THTPA: variants seen among roughly 807,000 people sequenced by gnomAD.
THTPA encodes the protein thiamine-triphosphatase.
Under a neutral mutation model 16.5 loss-of-function variants are expected in THTPA, and 16 were observed. The ratio of observed to expected loss-of-function variants is 0.97; its 90% CI spans 0.66 to 1.47. The LOEUF is 1.47. Among genes scored for constraint, THTPA ranks in the 40% most tolerant of loss-of-function variants. The probability of loss-of-function intolerance (pLI) is 0.00; values close to 1 mark genes in which losing one functional copy is unlikely to be tolerated. For synonymous variants in THTPA, 110 were observed against 115.5 expected, an observed-to-expected ratio of 0.95 and a Z score of 0.30; for missense variants, 281 against 280.9, an observed-to-expected ratio of 1.00 and a Z score of 0.00.
At chr14:23,534,987 G>A in the THTPA span, 1 of 1,536,188 alleles carries the variant, frequency 6.5e-7, no homozygotes, top group South Asian at 1.2e-5. This position sits in a 1 kb window ranked among gnomAD's most constrained non-coding sequence, Gnocchi z 4.5. Context: ...TGAAGAATAA[G>A]TGGTTGCTTA....
At chr14:23,539,226 C>T in the THTPA span, among the ~76,000 whole-genome samples, 1 of 152,154 alleles carries the variant, frequency 6.6e-6, no homozygotes, top group African/African-American at 2.4e-5. Context: ...TGGTATTGCC[C>T]TCTTCCTCTG....
At chr14:23,541,391 G>A in the THTPA span, among the ~76,000 whole-genome samples, 7 of 151,218 alleles carry the variant, frequency 4.6e-5, no homozygotes, top group Non-Finnish European at 5.9e-5. Flanking sequence ...GGGTTCAAGC[G>A]ATTCTCCTGC....
the THTPA span, among the ~76,000 whole-genome samples, chr14:23,519,203 T>C: frequency 6.6e-6 from 1 of 152,140 alleles, no homozygotes; most frequent in Non-Finnish European, 1.5e-5. Flanking sequence ...AAAACACTCA[T>C]AGTTCAAACT....
At chr14:23,556,203 C>T (rs1005295012), upstream of THTPA, 1 of 154,168 alleles carries the variant, frequency 6.5e-6, no homozygotes, top group Non-Finnish European at 1.4e-5. Context: ...AATATGGCCG[C>T]TGGTGCCGGG....
the THTPA span, chr14:23,525,003 G>A: frequency 3.3e-6 from 5 of 1,536,034 alleles, no homozygotes; most frequent in African/African-American, 1.4e-5. This position sits in a 1 kb window ranked among gnomAD's most constrained non-coding sequence, Gnocchi z 5.9. Context: ...GCTTTCTGGC[G>A]GGCATTCTGG....
the THTPA span, chr14:23,535,026 C>A: frequency 6.5e-7 from 1 of 1,536,134 alleles, no homozygotes; most frequent in Non-Finnish European, 8.7e-7. This position sits in a 1 kb window ranked among gnomAD's most constrained non-coding sequence, Gnocchi z 4.5. Flanking sequence ...CTTCTTCTTC[C>A]TCCTCCTGCT....
chr14:23,526,777 C>G, the THTPA span: 5 of 1,527,740 alleles, frequency 3.3e-6, no homozygotes, highest in Admixed American at 1.0e-4. Context: ...CCTCAGTCAT[C>G]TTCAGACCTT....
At chr14:23,550,153 G>A in the THTPA span, among the ~76,000 whole-genome samples, 2 of 152,222 alleles carry the variant, frequency 1.3e-5, 1 homozygote. Flanking sequence ...GTTCTGATGA[G>A]GGAGACAGGC....
the THTPA span, chr14:23,525,057 C>G: frequency 1.3e-6 from 2 of 1,536,154 alleles, no homozygotes; most frequent in South Asian, 1.2e-5. This position sits in a 1 kb window ranked among gnomAD's most constrained non-coding sequence, Gnocchi z 5.9. Context: ...AACAGACTTG[C>G]GAGTCGCTCC....
At position 23,557,040 on chromosome 14, in the gene THTPA, G is replaced by C; in HGVS notation, c.283G>C (p.Val95Leu). ...TACAATTGTGGCCCAACTCTGTAAG[G>C]TGCTGCGGGCTGACGGCCTGGGGGC... ...EPTIVAQLCK[V>L]LRADGLGAGD... The change falls in exon 1 of 2, where the codon GTG (valine) becomes CTG (leucine). Residue 95 changes from valine to leucine, a missense_variant. Val to Leu is a conservative substitution (Grantham distance 32). Transcript: ENST00000288014. 6.2e-7 allele frequency: 1 copy of C among 1,614,260 alleles called. No individual in the cohort carries two copies. The highest frequency in any genetic ancestry group is 2.2e-5 in the East Asian group (1 of 44,894).
the THTPA span, among the ~76,000 whole-genome samples, chr14:23,536,589 G>A: frequency 6.6e-6 from 1 of 152,146 alleles, no homozygotes; most frequent in Non-Finnish European, 1.5e-5. Flanking sequence ...ATATACCATG[G>A]TCCTGGCACT....
At chr14:23,532,530 TCTC>T in the THTPA span, 7 of 1,428,716 alleles carry the variant, frequency 4.9e-6, no homozygotes, top group African/African-American at 7.2e-5. Flanking sequence ...CCCATTCCCT[TCTC>T]CTCTTCCGAT....
the THTPA span, chr14:23,543,614 A>C: frequency 1.3e-5 from 2 of 152,330 alleles, no homozygotes; most frequent in Admixed American, 6.5e-5. Context: ...ACTGCAGTCC[A>C]TGCAGGGGCA....
chr14:23,530,538 A>T, the THTPA span: 175 of 496,700 alleles, frequency 3.5e-4, 1 homozygote, highest in Middle Eastern at 3.3e-3. Flanking sequence ...ATGTAGTAGG[A>T]GGGGCACTGA....
chr14:23,535,455 C>T, the THTPA span: 7 of 1,197,914 alleles, frequency 5.8e-6, no homozygotes, highest in Non-Finnish European at 7.6e-6. The surrounding 1 kb of genome is among the most constrained non-coding windows in gnomAD (Gnocchi z 4.5). Flanking sequence ...ATACTCCTGC[C>T]CCATCCTCTT....
At chr14:23,534,641 C>T in the THTPA span, 99 of 1,536,050 alleles carry the variant, frequency 6.4e-5, no homozygotes, top group Middle Eastern at 1.7e-4. This position sits in a 1 kb window ranked among gnomAD's most constrained non-coding sequence, Gnocchi z 4.5. Flanking sequence ...TGGTTGCCCC[C>T]GCTGTTCCCC....
the THTPA span, among the ~76,000 whole-genome samples, chr14:23,544,759 G>A: frequency 6.6e-6 from 1 of 152,182 alleles, no homozygotes. Flanking sequence ...AGCCATTAGA[G>A]ATGGAGATGA....
chr14:23,544,877 T>C, the THTPA span, among the ~76,000 whole-genome samples: 1 of 152,264 alleles, frequency 6.6e-6, no homozygotes, highest in Non-Finnish European at 1.5e-5. Flanking sequence ...CACCTTTTTT[T>C]TCTGCTCCTC....
chr14:23,525,099 C>T, the THTPA span: 1 of 1,536,192 alleles, frequency 6.5e-7, no homozygotes, highest in African/African-American at 1.4e-5. The surrounding 1 kb of genome is among the most constrained non-coding windows in gnomAD (Gnocchi z 5.9). Flanking sequence ...GCGCTAGTCT[C>T]AAAGAAAGAC....
Sources: allele counts gnomAD v4.1 joint callset (sites outside exome capture counted in the v4.1 genomes callset), GRCh38; gene constraint gnomAD v4.1.1; non-coding constraint Gnocchi (gnomAD v3.1); transcripts MANE v1.5; gene names NCBI Gene and HGNC (gene_info 2026-07-23, HGNC 2026-07-21).